Variants in FAM185A observed in about 807,000 individuals in gnomAD.
The protein encoded by FAM185A is protein FAM185A.
A neutral mutation model predicts 45.7 loss-of-function variants in FAM185A; 21 were observed. That is an observed-to-expected ratio of 0.46 (90% CI 0.33 to 0.66). The LOEUF (loss-of-function observed/expected upper bound fraction) is 0.66, where lower values mean the gene tolerates loss of function less well. FAM185A is among the 30% of genes least tolerant of loss of function. FAM185A has a pLI of 0.03. For missense variants in FAM185A, 305 were observed against 485.4 expected (o/e 0.63, Z 3.49); for synonymous variants, 117 against 194.0 (o/e 0.60, Z 3.30).
chr7:102,757,335 A>G (rs1314589102), intron 2 of FAM185A, among the ~76,000 whole-genome samples: 1 of 152,220 alleles, frequency 6.6e-6, no homozygotes, highest in Non-Finnish European at 1.5e-5. Flanking sequence ...TCACCCTGAT[A>G]AAGTGATTTA....
At chr7:102,843,257 A>C in the FAM185A span, among the ~76,000 whole-genome samples, 2 of 152,126 alleles carry the variant, frequency 1.3e-5, no homozygotes, top group Non-Finnish European at 2.9e-5. Flanking sequence ...CAGTCTGACC[A>C]ACATGCTGAA....
the FAM185A span, among the ~76,000 whole-genome samples, chr7:102,840,482 C>T: frequency 6.6e-6 from 1 of 152,190 alleles, no homozygotes; most frequent in Non-Finnish European, 1.5e-5. Context: ...AATAATCAGC[C>T]AGAAAGAGTT....
downstream of FAM185A, among the ~76,000 whole-genome samples, chr7:102,811,335 G>T (rs1797423711): frequency 6.6e-6 from 1 of 152,058 alleles, no homozygotes; most frequent in Non-Finnish European, 1.5e-5. Context: ...AATACGTAAG[G>T]GCTAAAGACC....
At chr7:102,802,426 C>G (rs188204669) in intron 7 of FAM185A, among the ~76,000 whole-genome samples, 1 of 152,184 alleles carries the variant, frequency 6.6e-6, no homozygotes. Context: ...ATTAAATAAT[C>G]TGCACCTGAA....
chr7:102,785,598 A>C, intron 6 of FAM185A, among the ~76,000 whole-genome samples: 1 of 151,250 alleles, frequency 6.6e-6, no homozygotes, highest in Admixed American at 6.6e-5. Flanking sequence ...CCTATTTAAT[A>C]AATGGTGCTG....
At chr7:102,781,273 T>G (rs1481296146) in intron 6 of FAM185A, among the ~76,000 whole-genome samples, 1 of 152,206 alleles carries the variant, frequency 6.6e-6, no homozygotes, top group Non-Finnish European at 1.5e-5. Context: ...CAGAAAGCTC[T>G]GCAAACTTAA....
At chr7:102,799,645 A>G (rs1796654508) in intron 7 of FAM185A, among the ~76,000 whole-genome samples, 1 of 152,222 alleles carries the variant, frequency 6.6e-6, no homozygotes, top group South Asian at 2.1e-4. Flanking sequence ...AGATTTTGTT[A>G]TTGAACCAAA....
chr7:102,751,494 T>C (rs1395499859), intron 1 of FAM185A, among the ~76,000 whole-genome samples, 198 bp from the exon 2 acceptor site: 1 of 151,928 alleles, frequency 6.6e-6, no homozygotes, highest in Non-Finnish European at 1.5e-5. Flanking sequence ...AAATAACTGC[T>C]CTGTTTCTAA....
chr7:102,785,571 C>G (rs377143343), intron 6 of FAM185A, among the ~76,000 whole-genome samples: 7 of 151,430 alleles, frequency 4.6e-5, no homozygotes, highest in African/African-American at 1.7e-4. Flanking sequence ...CAAAAACAAG[C>G]AATGGGGAAA....
intron 3 of FAM185A, among the ~76,000 whole-genome samples, chr7:102,758,839 T>C (rs1211743846): frequency 7.0e-6 from 1 of 143,740 alleles, no homozygotes; most frequent in Non-Finnish European, 1.5e-5. Context: ...TTCCTACAAA[T>C]TTGCTATATT....
the FAM185A span, among the ~76,000 whole-genome samples, chr7:102,814,838 G>A: frequency 3.3e-5 from 5 of 152,020 alleles, no homozygotes; most frequent in Non-Finnish European, 7.4e-5. Flanking sequence ...TTTTTAAGGT[G>A]CTAGCCTGCA....
intron 4 of FAM185A, among the ~76,000 whole-genome samples, chr7:102,767,039 G>A (rs1172796294): frequency 6.6e-6 from 1 of 151,774 alleles, no homozygotes; most frequent in African/African-American, 2.4e-5. Flanking sequence ...CAGGTGATCC[G>A]CACGCCTCGG....
At position 102,808,322 on chromosome 7, in the gene FAM185A, T is replaced by C; in HGVS notation, c.1099T>C (p.Trp367Arg). Residue 367 changes from tryptophan to arginine, a missense_variant, in exon 8 of 8, where the codon TGG (tryptophan) becomes CGG (arginine). Physicochemically the swap from Trp to Arg is moderately radical, Grantham distance 101 (BLOSUM62 -3). Transcript: ENST00000413034. ...GAATCAAGCAAGCAAACGTGAAAAA[T>C]GGATTAAGGCTGATGCCCCAAAAGG... ...LMNQASKREK[W>R]IKADAPKGTV... The C allele has an allele frequency of 6.4e-7, 1 of 1,551,730 alleles. No individual in the cohort carries two copies. The highest frequency in any genetic ancestry group is 8.7e-7 in the Non-Finnish European group (1 of 1,146,966).
At chr7:102,829,009 G>C in the FAM185A span, among the ~76,000 whole-genome samples, 1 of 152,126 alleles carries the variant, frequency 6.6e-6, no homozygotes, top group South Asian at 2.1e-4. Flanking sequence ...TGAGGATAGG[G>C]GGTACTGACT....
In FAM185A at chr7:102,768,751, A is replaced by G. The variant is rs190659793; in HGVS notation, c.794-3658A>G. 1.6e-3 allele frequency among the ~76,000 whole-genome samples: 246 copies of G among 152,312 alleles called. 1 individual carries two copies. Among genetic ancestry groups the G allele is most frequent in the Admixed American group, 2.0e-3 (31 of 15,292 alleles). Reference sequence around the variant, plus strand: ...GAAAGGTTACAAGCTAAGAAAAACTATCTATTTTCTCAAATACTGGGATTT... The same window carrying G: ...GAAAGGTTACAAGCTAAGAAAAACTGTCTATTTTCTCAAATACTGGGATTT... On this transcript the variant is annotated intron_variant, in intron 4 of 7. Transcript: ENST00000413034.
chr7:102,793,585 C>T (rs1379219975), intron 7 of FAM185A, among the ~76,000 whole-genome samples: 1 of 151,876 alleles, frequency 6.6e-6, no homozygotes, highest in Non-Finnish European at 1.5e-5. Flanking sequence ...AATCAGATGT[C>T]AATGTTGTTA....
the FAM185A span, among the ~76,000 whole-genome samples, chr7:102,828,662 T>C: frequency 1.3e-5 from 2 of 152,144 alleles, no homozygotes; most frequent in African/African-American, 4.8e-5. Flanking sequence ...AGACAAAAAA[T>C]AGTGTTTACT....
In FAM185A at chr7:102,757,914, G is replaced by A. The variant is rs1793860055; in HGVS notation, c.622G>A (p.Gly208Arg). 1.3e-6 allele frequency: 2 copies of A among 1,534,756 alleles called. No homozygotes were observed. The highest frequency in any genetic ancestry group is 1.4e-5 in the African/African-American group (1 of 71,682). ...GKVICLGTVY[G>R]NIDIHASDKS... ...AGTGATCTGTCTGGGAACAGTTTAT[G>A]GAAATATAGATATTCATGCATCAGA... The change falls in exon 3 of 8, where the codon GGA (glycine) becomes AGA (arginine). Residue 208 changes from glycine (G) to arginine (R), a missense_variant. By Grantham distance (125) the Gly-to-Arg change is moderately radical. Coordinates refer to ENST00000413034, the MANE Select transcript of FAM185A (RefSeq NM_001145268.2).
intron 5 of FAM185A, among the ~76,000 whole-genome samples, chr7:102,775,738 C>A (rs1162549404): frequency 1.3e-5 from 2 of 152,060 alleles, no homozygotes; most frequent in Non-Finnish European, 2.9e-5. Flanking sequence ...TGGAATAATA[C>A]ACACCTTGTG....
Sources: gnomAD v4.1 joint callset for allele counts (sites outside exome capture counted in the v4.1 genomes callset) on GRCh38, gnomAD v4.1.1 for gene constraint, MANE v1.5 for transcripts, NCBI Gene and HGNC (gene_info 2026-07-23, HGNC 2026-07-21) for gene names.